DTX4: variants seen among roughly 807,000 people sequenced by gnomAD.
DTX4 encodes E3 ubiquitin-protein ligase DTX4.
In DTX4, 28 loss-of-function variants were observed where a neutral mutation model predicts 57.6. The ratio of observed to expected loss-of-function variants is 0.49; its 90% confidence interval spans 0.36 to 0.67. The LOEUF (loss-of-function observed/expected upper bound fraction) is 0.67. DTX4 is among the 30% of genes least tolerant of loss of function. The pLI is 0.00. For missense variants in DTX4, 715 were observed against 836.8 expected (o/e 0.85, Z 1.80); for synonymous variants, 316 against 331.0 (o/e 0.95, Z 0.49).
chr11:59,179,018 C>A (rs1243000277), intron 1 of DTX4, among the ~76,000 whole-genome samples: 2 of 150,262 alleles, frequency 1.3e-5, no homozygotes, highest in African/African-American at 4.9e-5. Context: ...AACTCTCAGG[C>A]ATCTCCAGGA....
chr11:59,199,156 A>G (rs1442270460), intron 7 of DTX4, among the ~76,000 whole-genome samples: 1 of 152,258 alleles, frequency 6.6e-6, no homozygotes, highest in Non-Finnish European at 1.5e-5. Flanking sequence ...GGCATGGCTC[A>G]TAGCTTGGAG....
chr11:59,186,775 G>T (rs915145850), intron 2 of DTX4, among the ~76,000 whole-genome samples: 4 of 152,242 alleles, frequency 2.6e-5, no homozygotes, highest in African/African-American at 9.6e-5. Flanking sequence ...GCCCTGGGGA[G>T]CAGGTCACAG....
At chr11:59,197,736 G>A (rs11607278) in intron 7 of DTX4, among the ~76,000 whole-genome samples, 68,685 of 151,934 alleles carry the variant, frequency 0.45, 15,811 homozygotes, top group Middle Eastern at 0.52. Flanking sequence ...TGGATATGGG[G>A]TCAGGTGAGA....
At chr11:59,174,331 G>T (rs1862368437) in intron 1 of DTX4, among the ~76,000 whole-genome samples, 1 of 151,862 alleles carries the variant, frequency 6.6e-6, no homozygotes, top group African/African-American at 2.4e-5. Flanking sequence ...GAGGGGGAGG[G>T]AGAGAATGTC....
At chr11:59,194,924 G>GATCTCGGTGGTC in intron 6 of DTX4, 2 of 444,450 alleles carry the variant, frequency 4.5e-6, no homozygotes, top group Admixed American at 4.0e-5. Context: ...TCCCTGTGTA[G>GATCTCGGTGGTC]GCTCCTGCCC....
chr11:59,180,792 C>T (rs766120204), intron 1 of DTX4, among the ~76,000 whole-genome samples: 9 of 152,168 alleles, frequency 5.9e-5, no homozygotes, highest in Non-Finnish European at 1.0e-4. Context: ...TTCATATCTG[C>T]TGTACCATTA....
intron 8 of DTX4, among the ~76,000 whole-genome samples, chr11:59,204,185 A>G (rs1210058164): frequency 1.3e-5 from 2 of 152,228 alleles, no homozygotes; most frequent in Non-Finnish European, 1.5e-5. Flanking sequence ...GCACAGCTTC[A>G]GCTTTGGATA....
rs367757704 is a variant in DTX4, at chr11:59,195,187, C to T, written c.1375-21C>T. 10 of 1,613,800 alleles carry T rather than the reference C, an allele frequency of 6.2e-6. No homozygotes were observed. In the Middle Eastern group the frequency reaches 4.9e-4, roughly 80 times the overall value. ...ACCAAAACTGTTTCCCAATCTGGCT[C>T]TTCTGGCCTTGGCCCCTCAGGATGG... is the stretch of plus-strand genomic sequence containing the variant. On this transcript the variant is annotated intron_variant, in intron 6 of 8. Transcript: ENST00000227451.
chr11:59,190,920 C>T (rs1394826147), intron 4 of DTX4, among the ~76,000 whole-genome samples, 194 bp from the exon 5 acceptor site: 1 of 152,150 alleles, frequency 6.6e-6, no homozygotes, highest in African/African-American at 2.4e-5. Context: ...AAAGCCTTCT[C>T]GTCAAACCAT....
intron 6 of DTX4, among the ~76,000 whole-genome samples, chr11:59,194,535 A>T (rs1201012089): frequency 6.6e-6 from 1 of 152,244 alleles, no homozygotes; most frequent in Non-Finnish European, 1.5e-5. Flanking sequence ...TAACATTTAG[A>T]TACACCACAT....
Position 59,182,366 on chromosome 11 carries a change from C to G in DTX4, c.839C>G (p.Pro280Arg), listed in dbSNP as rs533589791. 2.5e-6 allele frequency: 4 copies of G among 1,613,786 alleles called. No individual in the cohort carries two copies. The South Asian group carries it at 4.4e-5, about 18-fold the overall frequency. Residue 280 changes from proline to arginine, a missense_variant, in exon 2 of 9, where the codon CCC becomes CGC. Transcript: ENST00000227451. ...GGCTCTCCTGCCAGTCCCCCAGGAC[C>G]CAACAGCAAGACCGGAAGGGTGGCC... ...TMGSPASPPGPNSKTGRVALA... is the reference protein window; with the variant it reads ...TMGSPASPPGRNSKTGRVALA...
rs1211748063 is a variant in DTX4, at chr11:59,172,241, C to T, written c.-355C>T. On this transcript the variant is annotated 5_prime_UTR_variant, in exon 1 of 9. Coordinates refer to ENST00000227451, the MANE Select transcript of DTX4 (RefSeq NM_015177.2). ...CTCGCCGTCAGCCCCAGCTCGCGGC[C>T]GCCGGGGCTCGGGCCGCGCGCCCGC... 6.6e-6 allele frequency among the ~76,000 whole-genome samples: 1 copy of T among 152,016 alleles called. No individual in the cohort carries two copies. Among genetic ancestry groups the T allele is most frequent in the East Asian group, 1.9e-4 (1 of 5,154 alleles).
rs1045596984 is a variant in DTX4, at chr11:59,204,939, C to T, written c.*30C>T. 8 of 1,537,272 alleles carry T rather than the reference C, an allele frequency of 5.2e-6. No individual in the cohort carries two copies. Among genetic ancestry groups the T allele is most frequent in the Non-Finnish European group, 7.1e-6 (8 of 1,132,644 alleles). ...AGAAAAGCTTTGAGGTGGGAGGGGC[C>T]ATGGAGACTGCAGGACAGGAAGTGA... On this transcript the variant is annotated 3_prime_UTR_variant, in exon 9 of 9. Transcript: ENST00000227451.
At chr11:59,197,008 T>C (rs1292007582) in intron 7 of DTX4, among the ~76,000 whole-genome samples, 19 of 152,176 alleles carry the variant, frequency 1.2e-4, no homozygotes, top group Admixed American at 1.2e-3. Context: ...GGGGCCAAAA[T>C]GGTTGGGGAC....
At chr11:59,191,019 C>A in intron 4 of DTX4, 95 bp from the exon 5 acceptor site, 1 of 1,185,318 alleles carries the variant, frequency 8.4e-7, no homozygotes, top group Non-Finnish European at 1.2e-6. Flanking sequence ...TTTTAACTTG[C>A]CTGATAACGT....
intron 7 of DTX4, 45 bp downstream of exon 7, chr11:59,195,414 T>G (rs1438681993): frequency 1.3e-6 from 2 of 1,555,778 alleles, no homozygotes; most frequent in South Asian, 2.4e-5. Flanking sequence ...CCCTTGGTTT[T>G]TATTGTTCTA....
At chr11:59,177,917 A>G (rs1862415425) in intron 1 of DTX4, among the ~76,000 whole-genome samples, 1 of 152,248 alleles carries the variant, frequency 6.6e-6, no homozygotes, top group South Asian at 2.1e-4. Context: ...GAATACAGCC[A>G]TGAGCACATA....
intron 8 of DTX4, among the ~76,000 whole-genome samples, chr11:59,202,870 G>A (rs567466492): frequency 2.9e-4 from 44 of 152,250 alleles, no homozygotes; most frequent in African/African-American, 1.0e-3. Context: ...AAAACTAGAT[G>A]GAATAGCCTA....
intron 5 of DTX4, 76 bp from the exon 6 acceptor site, chr11:59,192,022 C>T (rs891225739): frequency 6.5e-7 from 1 of 1,528,178 alleles, no homozygotes; most frequent in Middle Eastern, 2.4e-4. Flanking sequence ...GCTCATCTGA[C>T]CTCTGAGATC....
Sources: gnomAD v4.1 joint callset for allele counts (sites outside exome capture counted in the v4.1 genomes callset) on GRCh38, gnomAD v4.1.1 for gene constraint, MANE v1.5 for transcripts, NCBI Gene and HGNC (gene_info 2026-07-23, HGNC 2026-07-21) for gene names.